PHF8: variants seen among roughly 807,000 people sequenced by gnomAD.
PHF8 encodes the protein histone lysine demethylase PHF8.
PHF8 carries 9 observed loss-of-function variants against 74.4 expected under a neutral mutation model. The ratio of observed to expected loss-of-function variants is 0.12; its 90% CI spans 0.07 to 0.21. The LOEUF (loss-of-function observed/expected upper bound fraction) is 0.21, where lower values mean the gene tolerates loss of function less well. Ranked by LOEUF, PHF8 falls within the 10% of genes least tolerant of loss-of-function variation. PHF8 has a pLI of 1.00. For synonymous variants in PHF8, 311 were observed against 316.6 expected (o/e 0.98, Z 0.19); for missense variants, 478 against 816.6 (o/e 0.59, Z 5.05).
intron 18 of PHF8, among the ~76,000 whole-genome samples, chrX:53,982,075 G>A (rs781832208): frequency 9.8e-5 from 11 of 112,422 alleles, no homozygotes; most frequent in African/African-American, 2.3e-4. Flanking sequence ...GTAGGGAGGC[G>A]AAGGAGGGAG....
chrX:53,967,024 C>A (rs1467627562), intron 18 of PHF8, among the ~76,000 whole-genome samples: 1 of 106,653 alleles, frequency 9.4e-6, no homozygotes, highest in Non-Finnish European at 1.9e-5. Context: ...AGTGAGGAGA[C>A]CCTCCGCCCG....
intron 18 of PHF8, among the ~76,000 whole-genome samples, chrX:53,967,255 C>T (rs1316207989): frequency 1.9e-4 from 19 of 101,856 alleles, no homozygotes; most frequent in South Asian, 4.2e-4. Flanking sequence ...CCGCCCCGTC[C>T]GGGAGGGAGG....
chrX:54,046,070 T>C (rs781984957), upstream of PHF8, among the ~76,000 whole-genome samples: 2 of 110,530 alleles, frequency 1.8e-5, no homozygotes, highest in Non-Finnish European at 3.8e-5. Context: ...CGCCAGAGCC[T>C]CATGAGTAAC....
At chrX:53,949,736 C>T (rs1290636236) in intron 19 of PHF8, among the ~76,000 whole-genome samples, 6 of 99,359 alleles carry the variant, frequency 6.0e-5, no homozygotes, top group African/African-American at 1.9e-4. Context: ...GGTGTGAACC[C>T]GGAAGGCGGA....
chrX:53,957,127 A>G (rs1280331301), intron 19 of PHF8, among the ~76,000 whole-genome samples: 1 of 108,114 alleles, frequency 9.2e-6, no homozygotes, highest in African/African-American at 3.4e-5. Context: ...TGGGCGGATC[A>G]CAAGGACAAG....
At position 54,011,137 on chromosome X, in the gene PHF8, G is replaced by C; in HGVS notation, c.931C>G (p.Leu311Val). The C allele has an allele frequency of 8.3e-7, 1 of 1,210,678 alleles. No homozygotes were observed. The highest frequency in any genetic ancestry group is 1.8e-5 in the South Asian group (1 of 56,962). The stretch of plus-strand genomic sequence containing the variant: ...AAGGGAAGACCTGTGGGAATGAAAA[G>C]TGTCTGTCCTTGCTTCACGGAACAC... ...YKCSVKQGQT[L>V]FIPTGWIHAV... is the part of the protein sequence containing the mutation. The change falls in exon 8 of 22, where the codon CTT becomes GTT. Residue 311 changes from leucine (L) to valine (V), a missense_variant. Leu to Val is a conservative substitution (Grantham distance 32). This residue lies in a region of PHF8 where 70 missense variants were observed against 234.1 expected (regional missense o/e 0.30). Coordinates refer to ENST00000338154, the MANE Select transcript of PHF8 (RefSeq NM_015107.3).
chrX:53,987,433 G>C (rs1715734557), intron 15 of PHF8, among the ~76,000 whole-genome samples: 1 of 112,017 alleles, frequency 8.9e-6, no homozygotes, highest in Admixed American at 9.5e-5. Flanking sequence ...GCAAGGGCTG[G>C]GCGTGGTGGC....
chrX:54,003,786 C>G (rs1415592475), intron 8 of PHF8, among the ~76,000 whole-genome samples: 1 of 112,223 alleles, frequency 8.9e-6, no homozygotes, highest in Admixed American at 9.5e-5. Context: ...TTTCATCCAC[C>G]CCAGCCCTTG....
chrX:53,942,183 C>G (rs1446600884), intron 20 of PHF8, among the ~76,000 whole-genome samples: 1 of 111,897 alleles, frequency 8.9e-6, no homozygotes, highest in Non-Finnish European at 1.9e-5. Flanking sequence ...TTCAAACTCC[C>G]TGGCCTGACA....
chrX:53,944,079 G>C lies in PHF8; in HGVS notation c.2649+55C>G, dbSNP rs1449653052. The C allele has an allele frequency of 6.9e-6, 5 of 720,098 alleles. No individual in the cohort carries two copies. The African/African-American group carries it at 8.3e-5, about 12-fold the overall frequency. The allele number at this position is 720,098 out of a possible 1,213,427, so 59.3% of individuals were successfully genotyped here. On this transcript the variant is annotated intron_variant, in intron 20 of 21. Transcript: ENST00000338154. The stretch of plus-strand genomic sequence containing the variant: ...ATCAGCCTGCAGGTCTAAGTGTTGA[G>C]GCTCTAAGTCAAACTGCTATTAGTT...
intron 18 of PHF8, among the ~76,000 whole-genome samples, chrX:53,979,020 T>C (rs1466158859): frequency 9.0e-6 from 1 of 110,958 alleles, no homozygotes; most frequent in Non-Finnish European, 1.9e-5. Context: ...ATCCTGATTA[T>C]GGTGGCTGGA....
At chrX:54,023,912 C>CATTAAG (rs2066221856) in intron 2 of PHF8, among the ~76,000 whole-genome samples, 1 of 105,767 alleles carries the variant, frequency 9.5e-6, no homozygotes, top group South Asian at 4.1e-4. Flanking sequence ...CAGCAGAGAA[C>CATTAAG]ATTAAGGCAG....
chrX:53,943,248 T>C, intron 20 of PHF8: 1 of 951,584 alleles, frequency 1.1e-6, no homozygotes, highest in Non-Finnish European at 1.4e-6. Flanking sequence ...ATTTAAACAC[T>C]ATTTAAATAG....
chrX:54,006,287 G>C (rs1432311117), intron 8 of PHF8, among the ~76,000 whole-genome samples: 3 of 110,984 alleles, frequency 2.7e-5, no homozygotes, highest in Non-Finnish European at 5.7e-5. Context: ...TTCAAGACCA[G>C]CCTGGGCAAC....
rs1557082949 is a variant in PHF8, at chrX:53,940,143, A to C, written c.2986+37T>G. The C allele has an allele frequency of 2.8e-6, 3 of 1,083,482 alleles. No homozygotes were observed. The African/African-American group carries it at 5.5e-5, about 20-fold the overall frequency. 89.3% of individuals were successfully genotyped at this position (1,083,482 alleles called of 1,213,427 possible). ...CTTAGGATTTAGGGCAGGTGGCTCTAAGATCCTTCGGTTCTACAACCATAT... is the reference window on the plus strand; with the variant it reads ...CTTAGGATTTAGGGCAGGTGGCTCTCAGATCCTTCGGTTCTACAACCATAT... On this transcript the variant is annotated intron_variant, in intron 21 of 21. Transcript: ENST00000338154.
At chrX:54,002,897 T>C (rs112241338) in intron 8 of PHF8, among the ~76,000 whole-genome samples, 14,026 of 111,374 alleles carry the variant, frequency 0.13, 906 homozygotes, top group African/African-American at 0.24. Flanking sequence ...ACTATATTCA[T>C]GAGAATATTA....
chrX:54,039,303 T>C (rs781843606), intron 2 of PHF8, among the ~76,000 whole-genome samples: 171 of 111,868 alleles, frequency 1.5e-3, no homozygotes, highest in Non-Finnish European at 2.4e-3. Context: ...AATGGCGCAC[T>C]ATAAGCCTGG....
chrX:53,992,916 C>T, intron 13 of PHF8, 77 bp from the exon 14 acceptor site: 1 of 687,430 alleles, frequency 1.5e-6, no homozygotes, highest in Non-Finnish European at 2.3e-6. Context: ...CCTCTGGTTT[C>T]ACTGGTTCAG....
chrX:53,969,909 C>T (rs2065267388), intron 18 of PHF8, among the ~76,000 whole-genome samples: 1 of 111,409 alleles, frequency 9.0e-6, no homozygotes, highest in Admixed American at 9.6e-5. Flanking sequence ...TCAGGAAAAC[C>T]GAATACCCAT....
Sources: gnomAD v4.1 joint callset for allele counts (sites outside exome capture counted in the v4.1 genomes callset) on GRCh38, gnomAD v4.1.1 for gene constraint, gnomAD v4.1.1 regional missense constraint, MANE v1.5 for transcripts, NCBI Gene and HGNC (gene_info 2026-07-23, HGNC 2026-07-21) for gene names.